ZFHX3: variants seen among roughly 807,000 people sequenced by gnomAD.
ZFHX3 encodes the protein zinc finger homeobox protein 3.
Under a neutral mutation model 279.1 loss-of-function variants are expected in ZFHX3, and 42 were observed. The ratio of observed to expected loss-of-function variants is 0.15; its 90% CI spans 0.12 to 0.19. The LOEUF is 0.19. Among genes scored for constraint, ZFHX3 ranks in the 10% least tolerant of loss-of-function variants. The probability of loss-of-function intolerance (pLI) is 1.00; values close to 1 mark genes in which losing one functional copy is unlikely to be tolerated. For synonymous variants in ZFHX3, 2,293 were observed against 1,957.8 expected, an observed-to-expected ratio of 1.17 and a Z score of -4.52; for missense variants, 4,981 against 4,754.0, an observed-to-expected ratio of 1.05 and a Z score of -1.40.
At chr16:72,970,154 A>G (rs1424526818) in intron 1 of ZFHX3, among the ~76,000 whole-genome samples, 1 of 152,040 alleles carries the variant, frequency 6.6e-6, no homozygotes, top group East Asian at 1.9e-4. Flanking sequence ...GAGAGTCGTG[A>G]CAGCGGAGGC....
chr16:72,945,527 C>A (rs951191657), intron 3 of ZFHX3, among the ~76,000 whole-genome samples: 2 of 152,106 alleles, frequency 1.3e-5, no homozygotes, highest in Admixed American at 1.3e-4. Flanking sequence ...GGCATGCAGG[C>A]GAAATCTGCT....
chr16:72,937,954 G>A (rs559479681), intron 3 of ZFHX3, among the ~76,000 whole-genome samples: 5 of 152,382 alleles, frequency 3.3e-5, no homozygotes, highest in Non-Finnish European at 7.3e-5. Flanking sequence ...AAAGACAAGA[G>A]AGTAAATGGA....
At chr16:72,907,686 T>C (rs2039217359) in intron 3 of ZFHX3, among the ~76,000 whole-genome samples, 1 of 151,340 alleles carries the variant, frequency 6.6e-6, no homozygotes. Context: ...AATTCCTTTT[T>C]TTTTTTTTTG....
At chr16:73,811,087 T>G (rs1960413200) in intron 1 of ZFHX3, among the ~76,000 whole-genome samples, 1 of 152,084 alleles carries the variant, frequency 6.6e-6, no homozygotes, top group Non-Finnish European at 1.5e-5. Context: ...AAAAAAAAAT[T>G]TCATGATCCA....
intron 1 of ZFHX3, among the ~76,000 whole-genome samples, chr16:73,781,712 G>T (rs955437577): frequency 6.6e-6 from 1 of 152,152 alleles, no homozygotes; most frequent in Non-Finnish European, 1.5e-5. Context: ...CAAGAGGTCG[G>T]GCGTGGTGGC....
At chr16:73,207,513 C>T (rs1365653842) in intron 5 of ZFHX3, among the ~76,000 whole-genome samples, 1 of 152,148 alleles carries the variant, frequency 6.6e-6, no homozygotes, top group African/African-American at 2.4e-5. Context: ...AAAAGAACGA[C>T]AGCAGTACCC....
At chr16:73,848,905 A>G (rs183603322) in intron 1 of ZFHX3, among the ~76,000 whole-genome samples, 3 of 152,346 alleles carry the variant, frequency 2.0e-5, no homozygotes, top group African/African-American at 7.2e-5. Context: ...GCCATCCAGC[A>G]TGCAACTACA....
chr16:73,660,927 T>C (rs1358741041), intron 2 of ZFHX3, among the ~76,000 whole-genome samples: 1 of 145,716 alleles, frequency 6.9e-6, no homozygotes, highest in Non-Finnish European at 1.5e-5. Flanking sequence ...TCTGTTCTAC[T>C]AATATGCTGA....
chr16:73,220,213 G>C (rs2012364669), intron 5 of ZFHX3, among the ~76,000 whole-genome samples: 2 of 152,112 alleles, frequency 1.3e-5, no homozygotes, highest in Non-Finnish European at 2.9e-5. Flanking sequence ...AGGGAGTAGG[G>C]GGCAAGGGTT....
At position 73,528,982 on chromosome 16, in the gene ZFHX3, A is replaced by G. The variant is rs117109083; in HGVS notation, c.-1546-72724T>C. Among the ~76,000 whole-genome samples the G allele has an allele frequency of 2.3e-3, 347 of 152,336 alleles. 6 individuals carry two copies. The East Asian group carries it at 0.029, about 13-fold the overall frequency. On this transcript the variant is annotated intron_variant, in intron 2 of 17. Transcript: ENST00000641206. The stretch of plus-strand genomic sequence containing the variant: ...CCCCAGTTCCATAACATGTTTAACA[A>G]TTAATAAGCTAGGGGTTTCCTTGAG...
chr16:73,758,750 T>C (rs2053835519), intron 1 of ZFHX3, among the ~76,000 whole-genome samples: 1 of 152,234 alleles, frequency 6.6e-6, no homozygotes, highest in African/African-American at 2.4e-5. Context: ...CTCCTTTGCT[T>C]GTCCATAGCA....
chr16:73,120,442 T>A (rs1966481865), intron 7 of ZFHX3, among the ~76,000 whole-genome samples: 1 of 151,780 alleles, frequency 6.6e-6, no homozygotes, highest in Non-Finnish European at 1.5e-5. Flanking sequence ...ATTTTTCATA[T>A]TTTTATTTTT....
At chr16:73,231,142 G>C (rs528873952) in intron 5 of ZFHX3, among the ~76,000 whole-genome samples, 32 of 152,320 alleles carry the variant, frequency 2.1e-4, no homozygotes, top group Admixed American at 4.6e-4. Flanking sequence ...GAGCTGGAAG[G>C]CTTTTCTGAA....
intron 1 of ZFHX3, among the ~76,000 whole-genome samples, chr16:73,690,988 A>T (rs1463658110): frequency 1.3e-5 from 2 of 152,204 alleles, no homozygotes; most frequent in Non-Finnish European, 2.9e-5. Context: ...CACACAGACC[A>T]ATTTTTCCAC....
chr16:73,657,187 T>C (rs370827062), intron 2 of ZFHX3, among the ~76,000 whole-genome samples: 12 of 152,344 alleles, frequency 7.9e-5, no homozygotes, highest in African/African-American at 2.4e-4. Flanking sequence ...CTGGGTGTAG[T>C]GGCTCACGCC....
At chr16:73,486,512 T>A (rs2018976445) in intron 2 of ZFHX3, among the ~76,000 whole-genome samples, 1 of 152,256 alleles carries the variant, frequency 6.6e-6, no homozygotes, top group East Asian at 1.9e-4. Flanking sequence ...CAGTATCACT[T>A]GATAACAGGT....
At chr16:73,040,852 A>G (rs996975535) in intron 1 of ZFHX3, among the ~76,000 whole-genome samples, 5 of 152,208 alleles carry the variant, frequency 3.3e-5, no homozygotes, top group Non-Finnish European at 7.3e-5. Context: ...TCCCACTACA[A>G]ATGTAAGGTA....
intron 8 of ZFHX3, among the ~76,000 whole-genome samples, chr16:73,081,892 G>T (rs370436459): frequency 6.7e-6 from 1 of 148,642 alleles, no homozygotes; most frequent in Non-Finnish European, 1.5e-5. Flanking sequence ...GCTGGAGTGC[G>T]GTGGCACGAT....
chr16:73,854,463 G>T (rs1324682820), intron 1 of ZFHX3, among the ~76,000 whole-genome samples: 1 of 152,076 alleles, frequency 6.6e-6, no homozygotes, highest in African/African-American at 2.4e-5. Flanking sequence ...GGAGGCAGTT[G>T]CAATGAGCTG....
Sources: allele counts gnomAD v4.1 joint callset (sites outside exome capture counted in the v4.1 genomes callset), GRCh38; gene constraint gnomAD v4.1.1; transcripts MANE v1.5; gene names NCBI Gene and HGNC (gene_info 2026-07-23, HGNC 2026-07-21).